UGT3A1: variants seen among roughly 807,000 people sequenced by gnomAD.
UGT3A1 encodes the protein UDP glycosyltransferase family 3 member A1, also known as UDP-glycosyltransferase 3A1.
In UGT3A1, 40 loss-of-function variants were observed where a neutral mutation model predicts 37.6. That is an observed-to-expected ratio of 1.06 (90% CI 0.83 to 1.38). The LOEUF (loss-of-function observed/expected upper bound fraction) is 1.38. Among genes scored for constraint, UGT3A1 ranks in the 40% most tolerant of loss-of-function variants. The pLI is 0.00. For missense variants in UGT3A1, 642 were observed against 634.2 expected, an observed-to-expected ratio of 1.01 and a Z score of -0.13; for synonymous variants, 256 against 232.3, an observed-to-expected ratio of 1.10 and a Z score of -0.93.
intron 2 of UGT3A1, among the ~76,000 whole-genome samples, chr5:35,982,560 T>A (rs1367531899): frequency 6.6e-6 from 1 of 152,374 alleles, no homozygotes; most frequent in East Asian, 1.9e-4. Context: ...CTAATGCCTA[T>A]CCTCTCATGG....
At chr5:35,989,637 C>T (rs7711442) in intron 1 of UGT3A1, among the ~76,000 whole-genome samples, 118,827 of 152,068 alleles carry the variant, frequency 0.78, 46,628 homozygotes, top group South Asian at 0.84. Flanking sequence ...GAAACAGCCA[C>T]TCATAGTGGG....
upstream of UGT3A1, chr5:35,991,755 A>C (rs1740958979): frequency 3.7e-6 from 2 of 539,818 alleles, no homozygotes; most frequent in African/African-American, 2.1e-5. Flanking sequence ...CTGGTGTCCC[A>C]AGCTCAAGAT....
intron 2 of UGT3A1, among the ~76,000 whole-genome samples, chr5:35,969,657 G>C (rs1411833168): frequency 6.6e-6 from 1 of 152,122 alleles, no homozygotes; most frequent in East Asian, 1.9e-4. Context: ...AAATTAAAAG[G>C]ACACTGATTG....
In UGT3A1 at chr5:35,954,427, C is replaced by G. The variant is rs748807286; in HGVS notation, c.1347G>C (p.Leu449=). 8.7e-6 allele frequency: 14 copies of G among 1,614,120 alleles called. No individual in the cohort carries two copies. Among genetic ancestry groups the G allele is most frequent in the Non-Finnish European group, 3.4e-6 (4 of 1,180,060 alleles). The change falls in exon 7 of 7, where the codon CTG becomes CTC. Residue 449 remains leucine (L), a synonymous_variant. Coordinates refer to ENST00000274278, the MANE Select transcript of UGT3A1 (RefSeq NM_152404.4). Reference sequence around the variant, plus strand: ...AGCCCACCAGCCGCTGTGCGGGGCTCAGGGGCTGAGAGTGCAGGATGACAC... The same window carrying G: ...AGCCCACCAGCCGCTGTGCGGGGCTGAGGGGCTGAGAGTGCAGGATGACAC... The part of the protein sequence containing the change: ...AASVILHSQP[L]SPAQRLVGWI...
chr5:35,965,332 A>C (rs1041961909), intron 4 of UGT3A1, 54 bp downstream of exon 4: 2 of 1,566,632 alleles, frequency 1.3e-6, no homozygotes, highest in Non-Finnish European at 1.7e-6. Context: ...GCCACCAACT[A>C]TGCACCCAAG....
chr5:35,987,641 A>G (rs1302680078), intron 2 of UGT3A1, among the ~76,000 whole-genome samples: 2 of 152,180 alleles, frequency 1.3e-5, no homozygotes, highest in African/African-American at 4.8e-5. Context: ...CTATCTAAAC[A>G]TTAACAAGGC....
At chr5:35,976,394 C>A (rs1353290310) in intron 2 of UGT3A1, among the ~76,000 whole-genome samples, 1 of 152,142 alleles carries the variant, frequency 6.6e-6, no homozygotes, top group Non-Finnish European at 1.5e-5. Flanking sequence ...ACTGCAACAA[C>A]CCAATTTAAG....
chr5:35,975,937 A>G (rs1372187203), intron 2 of UGT3A1, among the ~76,000 whole-genome samples: 15 of 152,182 alleles, frequency 9.9e-5, no homozygotes, highest in Non-Finnish European at 2.2e-4. Context: ...TATGTGCTTA[A>G]TCACATCTAA....
intron 2 of UGT3A1, among the ~76,000 whole-genome samples, chr5:35,979,459 G>T (rs892425499): frequency 6.6e-6 from 1 of 152,036 alleles, no homozygotes; most frequent in Non-Finnish European, 1.5e-5. Context: ...CAAATCTCTA[G>T]GGCAGGGGCA....
At chr5:35,956,409 C>T (rs1739359012) in intron 5 of UGT3A1, among the ~76,000 whole-genome samples, 1 of 152,142 alleles carries the variant, frequency 6.6e-6, no homozygotes, top group Non-Finnish European at 1.5e-5. Context: ...TACTTGTGTT[C>T]CTTTGAAAAT....
chr5:35,981,981 A>G (rs1740542197), intron 2 of UGT3A1, among the ~76,000 whole-genome samples: 1 of 152,248 alleles, frequency 6.6e-6, no homozygotes, highest in Non-Finnish European at 1.5e-5. Context: ...AGGCCCAGGT[A>G]CAGCTAAGTC....
At chr5:35,982,296 C>A (rs921230569) in intron 2 of UGT3A1, among the ~76,000 whole-genome samples, 2 of 152,338 alleles carry the variant, frequency 1.3e-5, no homozygotes, top group Middle Eastern at 6.8e-3. Flanking sequence ...CCTGGAAAAG[C>A]TGCAGGCACT....
chr5:35,965,422 T>C lies in UGT3A1; in HGVS notation c.807A>G (p.Gly269=). The stretch of plus-strand genomic sequence containing the variant: ...GTTTAATAGGTTTTTCCATCAAGCC[T>C]CCAATATAAACAGTGTTGGGAAGCA... ...RPLLPNTVYI[G]GLMEKPIKPV... The change falls in exon 4 of 7, where the codon GGA becomes GGG. Residue 269 remains glycine, a synonymous_variant. Coordinates refer to ENST00000274278, the MANE Select transcript of UGT3A1 (RefSeq NM_152404.4). 2 of 1,614,044 alleles carry C rather than the reference T, an allele frequency of 1.2e-6. No homozygotes were observed. Among genetic ancestry groups the C allele is most frequent in the Non-Finnish European group, 1.7e-6 (2 of 1,179,988 alleles).
chr5:35,977,273 G>T (rs991775395), intron 2 of UGT3A1, among the ~76,000 whole-genome samples: 4 of 152,136 alleles, frequency 2.6e-5, no homozygotes, highest in African/African-American at 9.7e-5. Flanking sequence ...ACACATTTTA[G>T]TAACGAATAC....
intron 2 of UGT3A1, among the ~76,000 whole-genome samples, chr5:35,971,145 C>T (rs1561463229): frequency 6.6e-6 from 1 of 152,172 alleles, no homozygotes; most frequent in Non-Finnish European, 1.5e-5. Context: ...ATCATCATAT[C>T]CAACTTTCCC....
chr5:35,960,351 G>A (rs149685932), intron 4 of UGT3A1, among the ~76,000 whole-genome samples: 59 of 152,332 alleles, frequency 3.9e-4, no homozygotes, highest in Middle Eastern at 3.4e-3. Context: ...CAGTGGAATA[G>A]AAGACTGAGC....
intron 2 of UGT3A1, among the ~76,000 whole-genome samples, chr5:35,971,463 TAC>T (rs76860183): frequency 0.13 from 19,251 of 147,464 alleles, 1,280 homozygotes; most frequent in East Asian, 0.27. Context: ...GACACACGCA[TAC>T]ACACACACAC....
At chr5:35,979,268 ATT>A (rs1740423581) in intron 2 of UGT3A1, among the ~76,000 whole-genome samples, 1 of 152,094 alleles carries the variant, frequency 6.6e-6, no homozygotes, top group Non-Finnish European at 1.5e-5. Flanking sequence ...AGAAAATGAG[ATT>A]TTCTTTTCTA....
intron 1 of UGT3A1, among the ~76,000 whole-genome samples, chr5:35,998,277 G>C (rs975594823): frequency 6.6e-6 from 1 of 152,186 alleles, no homozygotes; most frequent in Non-Finnish European, 1.5e-5. Flanking sequence ...GATTATCAGA[G>C]ACCTATTGGC....
Sources: gnomAD v4.1 joint callset for allele counts (sites outside exome capture counted in the v4.1 genomes callset) on GRCh38, gnomAD v4.1.1 for gene constraint, MANE v1.5 for transcripts, NCBI Gene and HGNC (gene_info 2026-07-23, HGNC 2026-07-21) for gene names.